Variants in CTNNA2 observed in about 807,000 individuals in gnomAD.
The protein encoded by CTNNA2 is catenin alpha 2.
A neutral mutation model predicts 101.0 loss-of-function variants in CTNNA2; 42 were observed. The ratio of observed to expected loss-of-function variants is 0.42; its 90% CI spans 0.32 to 0.54. The LOEUF (loss-of-function observed/expected upper bound fraction) is 0.54. Among genes scored for constraint, CTNNA2 ranks in the 20% least tolerant of loss-of-function variants. The probability of loss-of-function intolerance (pLI) is 0.14; values close to 1 mark genes in which losing one functional copy is unlikely to be tolerated. For missense variants in CTNNA2, 871 were observed against 1,223.1 expected (o/e 0.71, Z 4.29); for synonymous variants, 450 against 456.4 (o/e 0.99, Z 0.18).
intron 1 of CTNNA2, chr2:79,524,898 T>C (rs1347323913): frequency 6.7e-6 from 1 of 148,320 alleles, no homozygotes; most frequent in East Asian, 1.9e-4. Context: ...TGTTTCTCAG[T>C]ATTCCATGGT....
intron 4 of CTNNA2, among the ~76,000 whole-genome samples, chr2:79,456,983 C>CTT (rs1670828306): frequency 6.6e-6 from 1 of 152,022 alleles, no homozygotes. Flanking sequence ...GGGCAGATCA[C>CTT]GAGGTCAGGA....
chr2:80,173,681 G>A (rs1254128145), intron 7 of CTNNA2, among the ~76,000 whole-genome samples: 3 of 152,142 alleles, frequency 2.0e-5, no homozygotes, highest in Admixed American at 6.5e-5. Flanking sequence ...CACAATGCTG[G>A]TGAGGGGGAT....
chr2:80,594,676 T>A (rs191237834), intron 15 of CTNNA2, among the ~76,000 whole-genome samples: 2,800 of 152,170 alleles, frequency 0.018, 92 homozygotes, highest in African/African-American at 0.062. Context: ...AGTTAATTTT[T>A]AAATGAGGTA....
At chr2:80,424,507 A>G (rs977235756) in intron 9 of CTNNA2, among the ~76,000 whole-genome samples, 2 of 152,174 alleles carry the variant, frequency 1.3e-5, no homozygotes, top group African/African-American at 4.8e-5. Context: ...GTGGACAGAT[A>G]TAGAGGGTCT....
intron 18 of CTNNA2, among the ~76,000 whole-genome samples, chr2:80,621,794 G>C (rs147416795): frequency 3.7e-4 from 56 of 151,956 alleles, no homozygotes; most frequent in Non-Finnish European, 5.9e-4. Flanking sequence ...CTGAATTTGA[G>C]GAATGTGCAA....
intron 7 of CTNNA2, among the ~76,000 whole-genome samples, chr2:80,317,912 C>T (rs1678285642): frequency 6.6e-6 from 1 of 152,124 alleles, no homozygotes; most frequent in South Asian, 2.1e-4. Flanking sequence ...GGTTGTTTTT[C>T]TCAAGAACCT....
At chr2:79,219,418 A>G (rs1391790431) in intron 2 of CTNNA2, among the ~76,000 whole-genome samples, 1 of 152,166 alleles carries the variant, frequency 6.6e-6, no homozygotes, top group Non-Finnish European at 1.5e-5. Flanking sequence ...TGAGTTCTTG[A>G]TATGTGGCTG....
chr2:79,456,268 G>A (rs1670819358), intron 4 of CTNNA2, among the ~76,000 whole-genome samples: 1 of 151,490 alleles, frequency 6.6e-6, no homozygotes, highest in African/African-American at 2.4e-5. Flanking sequence ...TCTGTCTTTT[G>A]CTCATTAAAG....
At chr2:79,717,088 A>T (rs1050972371) in intron 2 of CTNNA2, among the ~76,000 whole-genome samples, 1 of 152,216 alleles carries the variant, frequency 6.6e-6, no homozygotes, top group African/African-American at 2.4e-5. Context: ...TTAATAAATG[A>T]AAGCCATTTC....
chr2:80,061,954 C>G (rs1345897010), intron 7 of CTNNA2, among the ~76,000 whole-genome samples: 1 of 152,174 alleles, frequency 6.6e-6, no homozygotes, highest in Non-Finnish European at 1.5e-5. Context: ...TAGAAAGAAG[C>G]CTTGAAATCC....
Position 79,582,856 on chromosome 2 carries a change from A to C in CTNNA2, c.-5-68696A>C, listed in dbSNP as rs922610844. The stretch of plus-strand genomic sequence containing the variant: ...AATGTAACCACTATCATAATGAGGA[A>C]ATTTTCTCATGCTTTTTTAAGTTCA... On this transcript the variant is annotated intron_variant, in intron 1 of 18. Coordinates refer to ENST00000402739, the MANE Select transcript of CTNNA2 (RefSeq NM_001282597.3). Among the ~76,000 whole-genome samples the C allele has an allele frequency of 1.1e-4, 16 of 152,062 alleles. 1 individual carries two copies. The highest frequency in any genetic ancestry group is 3.4e-4 in the African/African-American group (14 of 41,414).
At chr2:79,242,969 A>AATATATATATATATATATATATAT (rs137898899) in intron 2 of CTNNA2, among the ~76,000 whole-genome samples, 140 of 127,276 alleles carry the variant, frequency 1.1e-3, no homozygotes, top group Non-Finnish European at 1.5e-3. Flanking sequence ...CCTGTCTCGA[A>AATATATATATATATATATATATAT]ATATATATAT....
At chr2:80,191,959 A>G (rs1236059632) in intron 7 of CTNNA2, among the ~76,000 whole-genome samples, 1 of 152,214 alleles carries the variant, frequency 6.6e-6, no homozygotes, top group African/African-American at 2.4e-5. Flanking sequence ...GCTAGTCATG[A>G]CCCATTCTAG....
At chr2:79,827,160 T>C (rs944098625) in intron 3 of CTNNA2, among the ~76,000 whole-genome samples, 2 of 151,992 alleles carry the variant, frequency 1.3e-5, no homozygotes, top group African/African-American at 4.8e-5. Context: ...TGCCGCAGCC[T>C]CCCGAGTAGC....
intron 1 of CTNNA2, among the ~76,000 whole-genome samples, chr2:79,190,987 C>T (rs566526690): frequency 7.2e-5 from 11 of 152,168 alleles, no homozygotes; most frequent in Non-Finnish European, 1.6e-4. Context: ...TCTCCGCAGA[C>T]TGGCTTTTCT....
intron 7 of CTNNA2, among the ~76,000 whole-genome samples, chr2:80,250,204 A>AGAGAGAGAGTGTGT (rs1553476557): frequency 1.0e-5 from 1 of 96,392 alleles, no homozygotes; most frequent in African/African-American, 3.0e-5. Flanking sequence ...AGAGAGAGAG[A>AGAGAGAGAGTGTGT]GTGTGTGTGT....
chr2:80,060,072 A>C (rs1035579676), intron 7 of CTNNA2, among the ~76,000 whole-genome samples: 1 of 152,256 alleles, frequency 6.6e-6, no homozygotes, highest in East Asian at 1.9e-4. Context: ...ACTGAGTCCA[A>C]GAATGAGCAT....
chr2:79,799,290 C>T (rs1675971618), intron 3 of CTNNA2, among the ~76,000 whole-genome samples: 1 of 150,888 alleles, frequency 6.6e-6, no homozygotes, highest in African/African-American at 2.5e-5. Flanking sequence ...TATCGAGATG[C>T]CTTATTCTTT....
intron 2 of CTNNA2, among the ~76,000 whole-genome samples, chr2:79,728,107 T>C (rs553488245): frequency 2.0e-5 from 3 of 152,200 alleles, no homozygotes; most frequent in Non-Finnish European, 2.9e-5. Context: ...ATGGGATTGC[T>C]GGGTCAAATG....
Sources: allele counts gnomAD v4.1 joint callset (sites outside exome capture counted in the v4.1 genomes callset), GRCh38; gene constraint gnomAD v4.1.1; transcripts MANE v1.5; gene names NCBI Gene and HGNC (gene_info 2026-07-23, HGNC 2026-07-21).